ATP6V1A: variants seen among roughly 807,000 people sequenced by gnomAD.
ATP6V1A encodes the protein V-type proton ATPase catalytic subunit A.
Under a neutral mutation model 70.1 loss-of-function variants are expected in ATP6V1A, and 18 were observed. The ratio of observed to expected loss-of-function variants is 0.26; its 90% CI spans 0.18 to 0.38. The LOEUF is 0.38. Among genes scored for constraint, ATP6V1A ranks in the 10% least tolerant of loss-of-function variants. The pLI is 1.00. For missense variants in ATP6V1A, 424 were observed against 772.4 expected (o/e 0.55, Z 5.35); for synonymous variants, 232 against 253.8 (o/e 0.91, Z 0.82).
intron 11 of ATP6V1A, among the ~76,000 whole-genome samples, chr3:113,797,273 A>T (rs1332941458): frequency 7.1e-6 from 1 of 140,004 alleles, no homozygotes; most frequent in South Asian, 2.3e-4. Context: ...TTTTTTTGAG[A>T]TGGAATCTCA....
At chr3:113,764,889 T>G (rs1232013879) in intron 1 of ATP6V1A, among the ~76,000 whole-genome samples, 4 of 152,064 alleles carry the variant, frequency 2.6e-5, no homozygotes, top group South Asian at 4.1e-4. Context: ...GGGGGATCAC[T>G]TGAGCCCTGG....
chr3:113,809,530 A>G lies in ATP6V1A; in HGVS notation c.*103A>G. ...CAAACCCTTTGCTTCTTTATTGTGCAGCTTTGAGACTAGTGCCTATGTGTG... is the reference window on the plus strand; with the variant it reads ...CAAACCCTTTGCTTCTTTATTGTGCGGCTTTGAGACTAGTGCCTATGTGTG... On this transcript the variant is annotated 3_prime_UTR_variant, in exon 15 of 15. Coordinates refer to ENST00000273398, the MANE Select transcript of ATP6V1A (RefSeq NM_001690.4). 9.6e-7 allele frequency: 1 copy of G among 1,045,376 alleles called. No individual in the cohort carries two copies. Among genetic ancestry groups the G allele is most frequent in the Non-Finnish European group, 1.4e-6 (1 of 712,388 alleles). The allele number at this position is 1,045,376 out of a possible 1,614,324, so 64.8% of individuals were successfully genotyped here.
intron 1 of ATP6V1A, among the ~76,000 whole-genome samples, chr3:113,773,042 C>G (rs1708866375): frequency 1.4e-5 from 2 of 144,068 alleles, no homozygotes; most frequent in African/African-American, 5.2e-5. Flanking sequence ...GGTTCAAGCA[C>G]TTCTCCTGCC....
In ATP6V1A at chr3:113,780,700, T is replaced by G. The variant is rs1490326532; in HGVS notation, c.83-350T>G. 17 of 1,265,994 alleles carry G rather than the reference T, an allele frequency of 1.3e-5. No homozygotes were observed. In the Admixed American group the frequency reaches 4.0e-4, roughly 30 times the overall value. 78.4% of individuals were successfully genotyped at this position (1,265,994 alleles called of 1,614,324 possible). On this transcript the variant is annotated intron_variant, in intron 2 of 14. Transcript: ENST00000273398. ...TAGCCAAACCATTTATTCCAATTTC[T>G]ACTTTTAAAAGTTTTTTTTATTGTT...
At chr3:113,796,694 A>C (rs187283068) in intron 11 of ATP6V1A, among the ~76,000 whole-genome samples, 1 of 152,228 alleles carries the variant, frequency 6.6e-6, no homozygotes, top group Admixed American at 6.5e-5. Context: ...GAAAAACAGA[A>C]TATTTACTTG....
intron 1 of ATP6V1A, among the ~76,000 whole-genome samples, chr3:113,775,394 T>C (rs1358156605): frequency 1.3e-5 from 2 of 152,038 alleles, no homozygotes; most frequent in Non-Finnish European, 2.9e-5. Context: ...CACACCCAGC[T>C]AATTTTTGTA....
chr3:113,793,150 C>T (rs574629352), intron 8 of ATP6V1A, among the ~76,000 whole-genome samples: 79 of 152,194 alleles, frequency 5.2e-4, no homozygotes, highest in African/African-American at 1.7e-3. Flanking sequence ...GCCTCTGCCT[C>T]CTGGATTCAA....
chr3:113,780,728 A>G, intron 2 of ATP6V1A: 1 of 1,293,842 alleles, frequency 7.7e-7, no homozygotes, highest in Non-Finnish European at 1.0e-6. Context: ...TTATTGTTCC[A>G]AAGCCTTCAC....
intron 1 of ATP6V1A, among the ~76,000 whole-genome samples, chr3:113,772,450 G>A (rs1708852895): frequency 6.6e-6 from 1 of 152,140 alleles, no homozygotes; most frequent in Non-Finnish European, 1.5e-5. Flanking sequence ...AAATGGGGCT[G>A]GGCACCATGG....
At chr3:113,769,688 G>A (rs929826855) in intron 1 of ATP6V1A, among the ~76,000 whole-genome samples, 1 of 152,274 alleles carries the variant, frequency 6.6e-6, no homozygotes, top group Non-Finnish European at 1.5e-5. Context: ...TTCCTCTGGT[G>A]TTATTTGCCA....
chr3:113,786,019 T>C (rs1709035872), intron 5 of ATP6V1A, among the ~76,000 whole-genome samples: 1 of 150,726 alleles, frequency 6.6e-6, no homozygotes, highest in Non-Finnish European at 1.5e-5. Context: ...TCAGAAATTT[T>C]GTTTGTAATT....
At chr3:113,762,876 A>G (rs1270668463) in intron 1 of ATP6V1A, among the ~76,000 whole-genome samples, 1 of 152,204 alleles carries the variant, frequency 6.6e-6, no homozygotes, top group African/African-American at 2.4e-5. Flanking sequence ...ATAAACACGT[A>G]TATAAATAAG....
intron 13 of ATP6V1A, among the ~76,000 whole-genome samples, chr3:113,804,153 G>A (rs947993703): frequency 2.0e-5 from 3 of 151,108 alleles, no homozygotes; most frequent in Non-Finnish European, 4.4e-5. Flanking sequence ...ACCATGCCCA[G>A]CTAATTTTTT....
At chr3:113,770,956 G>A (rs1370643960) in intron 1 of ATP6V1A, among the ~76,000 whole-genome samples, 1 of 151,962 alleles carries the variant, frequency 6.6e-6, no homozygotes, top group Non-Finnish European at 1.5e-5. Context: ...TTAGCTGGGT[G>A]TGGGGGCGCA....
chr3:113,805,324 GT>G, intron 13 of ATP6V1A, 29 bp from the exon 14 acceptor site: 1 of 1,603,296 alleles, frequency 6.2e-7, no homozygotes, highest in Non-Finnish European at 8.5e-7. Context: ...GTTTATTTTT[GT>G]TAATTTTTTG....
chr3:113,808,742 C>T (rs753122070), intron 14 of ATP6V1A, among the ~76,000 whole-genome samples: 8 of 152,188 alleles, frequency 5.3e-5, no homozygotes, highest in African/African-American at 7.2e-5. Flanking sequence ...ATATATGAAG[C>T]GGCATAATTT....
intron 1 of ATP6V1A, among the ~76,000 whole-genome samples, chr3:113,775,973 G>A (rs902631935): frequency 3.3e-5 from 5 of 152,044 alleles, no homozygotes; most frequent in Admixed American, 6.6e-5. Context: ...TTTCTAGAAC[G>A]TCTTGTTCTG....
Position 113,803,669 on chromosome 3 carries a change from T to G in ATP6V1A, c.1581T>G (p.Pro527=). 6.3e-7 allele frequency: 1 copy of G among 1,597,408 alleles called. No homozygotes were observed. The highest frequency in any genetic ancestry group is 8.6e-7 in the Non-Finnish European group (1 of 1,166,160). Residue 527 remains proline, a synonymous_variant, in exon 13 of 15, where the codon CCT becomes CCG. Transcript: ENST00000273398. Reference sequence around the variant, plus strand: ...TCCTACAACAAAATGGATATACTCCTTATGACAGGTAAGCTATATTGATTT... The same window carrying G: ...TCCTACAACAAAATGGATATACTCCGTATGACAGGTAAGCTATATTGATTT... ...DDFLQQNGYT[P]YDRFCPFYKT...
At chr3:113,751,432 TTTA>T (rs1708585572) in intron 1 of ATP6V1A, among the ~76,000 whole-genome samples, 4 of 152,018 alleles carry the variant, frequency 2.6e-5, no homozygotes, top group African/African-American at 7.2e-5. Flanking sequence ...AAGGAAAGAT[TTTA>T]TTAAGTTTAT....
Sources: allele counts gnomAD v4.1 joint callset (sites outside exome capture counted in the v4.1 genomes callset), GRCh38; gene constraint gnomAD v4.1.1; transcripts MANE v1.5; gene names NCBI Gene and HGNC (gene_info 2026-07-23, HGNC 2026-07-21).